Variants in CCDC192 observed in about 807,000 individuals in gnomAD.
CCDC192 encodes the protein coiled-coil domain-containing protein 192.
At chr5:127,853,522 C>T (rs1750901993) in intron 5 of CCDC192, among the ~76,000 whole-genome samples, 1 of 152,088 alleles carries the variant, frequency 6.6e-6, no homozygotes, top group Non-Finnish European at 1.5e-5. Flanking sequence ...CCTGTAATCC[C>T]AAAACTTTGG....
chr5:127,751,660 C>G (rs1255995773), intron 2 of CCDC192, among the ~76,000 whole-genome samples: 2 of 152,136 alleles, frequency 1.3e-5, no homozygotes, highest in Non-Finnish European at 2.9e-5. Context: ...GAACGTTGGC[C>G]TGCCTTGCTA....
chr5:127,734,181 G>GT (rs1561453855), intron 2 of CCDC192, among the ~76,000 whole-genome samples: 1 of 149,026 alleles, frequency 6.7e-6, no homozygotes, highest in South Asian at 2.1e-4. Flanking sequence ...GCAGTGTTTG[G>GT]TTTTTTGTTC....
At chr5:127,908,899 C>T (rs1753270463) in intron 6 of CCDC192, among the ~76,000 whole-genome samples, 1 of 152,122 alleles carries the variant, frequency 6.6e-6, no homozygotes, top group African/African-American at 2.4e-5. Context: ...CTCAGACTCT[C>T]AAAATCATAT....
At chr5:127,881,075 C>T (rs1752333989) in intron 6 of CCDC192, among the ~76,000 whole-genome samples, 2 of 152,184 alleles carry the variant, frequency 1.3e-5, no homozygotes, top group Admixed American at 1.3e-4. Context: ...CGATTCTTCT[C>T]AATGAACAAA....
At chr5:127,816,891 A>C (rs1412579708) in intron 5 of CCDC192, among the ~76,000 whole-genome samples, 2 of 152,230 alleles carry the variant, frequency 1.3e-5, no homozygotes, top group Non-Finnish European at 2.9e-5. Context: ...AGATAAAAGA[A>C]AATCAAGGCA....
intron 3 of CCDC192, chr5:127,784,628 T>C: frequency 1.5e-6 from 1 of 671,834 alleles, no homozygotes; most frequent in Non-Finnish European, 2.7e-6. Flanking sequence ...GCCAAGTAAC[T>C]GTAGGTGTGC....
chr5:127,875,867 G>C (rs554909490), intron 6 of CCDC192, among the ~76,000 whole-genome samples: 1 of 151,968 alleles, frequency 6.6e-6, no homozygotes, highest in Non-Finnish European at 1.5e-5. Context: ...CGGTTTGCTC[G>C]TTAAGGGAAA....
chr5:127,894,996 C>A (rs974659566), intron 6 of CCDC192, among the ~76,000 whole-genome samples: 2 of 151,932 alleles, frequency 1.3e-5, no homozygotes, highest in Non-Finnish European at 2.9e-5. Flanking sequence ...TTTTTCCCTG[C>A]AACTTTTATT....
chr5:127,813,388 A>T (rs982553354), intron 5 of CCDC192, among the ~76,000 whole-genome samples: 4 of 152,202 alleles, frequency 2.6e-5, no homozygotes, highest in Non-Finnish European at 5.9e-5. Context: ...GAGGATATCA[A>T]TACCCTCTTT....
intron 5 of CCDC192, among the ~76,000 whole-genome samples, chr5:127,846,424 G>A (rs1296387822): frequency 2.6e-5 from 4 of 151,778 alleles, no homozygotes; most frequent in East Asian, 1.9e-4. Flanking sequence ...CACCCCTTAC[G>A]CCCACAAAAG....
intron 2 of CCDC192, among the ~76,000 whole-genome samples, chr5:127,719,430 TACAC>T (rs1160348806): frequency 7.0e-6 from 1 of 142,232 alleles, no homozygotes. Context: ...TATATATATA[TACAC>T]ACACATACAT....
intron 5 of CCDC192, among the ~76,000 whole-genome samples, chr5:127,837,171 T>G (rs114343398): frequency 0.012 from 957 of 81,728 alleles, 344 homozygotes; most frequent in African/African-American, 0.037. Flanking sequence ...TCTACATTTT[T>G]GGGTATCTTT....
chr5:127,724,466 G>C (rs1003783388), intron 2 of CCDC192, among the ~76,000 whole-genome samples: 2 of 152,108 alleles, frequency 1.3e-5, no homozygotes, highest in Non-Finnish European at 2.9e-5. Context: ...AATCTAGAAA[G>C]AAGTCTTCCA....
intron 2 of CCDC192, among the ~76,000 whole-genome samples, chr5:127,734,687 G>C (rs1418062187): frequency 6.8e-6 from 1 of 146,280 alleles, no homozygotes; most frequent in Non-Finnish European, 1.5e-5. Flanking sequence ...GTGATGGTGA[G>C]CATTTTTTCA....
At chr5:127,703,693 A>G (rs764800149) in intron 1 of CCDC192, among the ~76,000 whole-genome samples, 186 bp downstream of exon 1, 3 of 152,196 alleles carry the variant, frequency 2.0e-5, no homozygotes, top group African/African-American at 7.2e-5. Context: ...ATCACAGGGC[A>G]TGGCCTGACA....
rs1204289354 is a variant in CCDC192 at position 127,780,095 on chromosome 5, A to ATATATATCTATATT, written c.223-17004_223-16991dup. The stretch of plus-strand genomic sequence containing the variant: ...TTTTATGGCTGAGTAGTATTCCATC[A>ATATATATCTATATT]TATATATCTATATTTATCTATATAT... On this transcript the variant is annotated intron_variant, in intron 3 of 6. Coordinates refer to ENST00000514853, the MANE Select transcript of CCDC192 (RefSeq NM_001317938.2). 1.7e-4 allele frequency among the ~76,000 whole-genome samples: 26 copies of ATATATATCTATATT among 152,190 alleles called. No individual in the cohort carries two copies. In the South Asian group the frequency reaches 5.0e-3, roughly 29 times the overall value.
intron 2 of CCDC192, among the ~76,000 whole-genome samples, chr5:127,750,125 C>T (rs926950795): frequency 1.2e-4 from 18 of 152,138 alleles, no homozygotes; most frequent in East Asian, 7.7e-4. Context: ...CACTTCTGCT[C>T]GGATTTTAGT....
At chr5:127,803,356 C>A (rs1757609016) in intron 5 of CCDC192, among the ~76,000 whole-genome samples, 1 of 152,134 alleles carries the variant, frequency 6.6e-6, no homozygotes, top group East Asian at 1.9e-4. Flanking sequence ...ATGTGGGCAC[C>A]CAGGCTGAGC....
chr5:127,869,655 C>A (rs1751764513), intron 5 of CCDC192, among the ~76,000 whole-genome samples: 1 of 152,140 alleles, frequency 6.6e-6, no homozygotes, highest in Admixed American at 6.6e-5. Context: ...TCAAATGCCA[C>A]TTCTGTATCT....
Sources: allele counts gnomAD v4.1 joint callset (sites outside exome capture counted in the v4.1 genomes callset), GRCh38; gene constraint gnomAD v4.1.1; transcripts MANE v1.5; gene names NCBI Gene and HGNC (gene_info 2026-07-23, HGNC 2026-07-21).